Variants in SCAI observed in about 807,000 individuals in gnomAD.
SCAI encodes the protein protein SCAI.
Under a neutral mutation model 92.2 loss-of-function variants are expected in SCAI, and 24 were observed. That is an observed-to-expected ratio of 0.26 (90% CI 0.19 to 0.37). The LOEUF (loss-of-function observed/expected upper bound fraction) is 0.37. SCAI is among the 10% of genes least tolerant of loss of function. SCAI has a pLI of 1.00. For missense variants in SCAI, 450 were observed against 736.2 expected (o/e 0.61, Z 4.50); for synonymous variants, 261 against 258.6 (o/e 1.01, Z -0.09).
intron 3 of SCAI, among the ~76,000 whole-genome samples, chr9:125,034,387 T>C (rs532735894): frequency 6.6e-6 from 1 of 152,092 alleles, no homozygotes; most frequent in South Asian, 2.1e-4. Flanking sequence ...AGCTGGAACC[T>C]AGAAAACATG....
At chr9:125,104,754 G>C (rs1459307328) in intron 2 of SCAI, among the ~76,000 whole-genome samples, 2 of 151,590 alleles carry the variant, frequency 1.3e-5, no homozygotes, top group Non-Finnish European at 1.5e-5. Context: ...CCCTTTGTTT[G>C]TCAAAAAACA....
intron 3 of SCAI, among the ~76,000 whole-genome samples, chr9:125,043,970 G>A (rs1833383718): frequency 6.6e-6 from 1 of 152,256 alleles, no homozygotes; most frequent in South Asian, 2.1e-4. Flanking sequence ...ATGCTTCCCT[G>A]TGTTCTCAGG....
intron 2 of SCAI, among the ~76,000 whole-genome samples, chr9:125,094,445 T>C (rs1237372390): frequency 6.6e-6 from 1 of 152,212 alleles, no homozygotes; most frequent in Non-Finnish European, 1.5e-5. Flanking sequence ...ACTCAAATCA[T>C]CTTATTGCAT....
intron 2 of SCAI, among the ~76,000 whole-genome samples, chr9:125,090,663 A>G (rs965629511): frequency 6.6e-6 from 1 of 151,870 alleles, no homozygotes; most frequent in African/African-American, 2.4e-5. Context: ...CTACTCTTAC[A>G]CTCCTATACT....
chr9:125,084,158 C>CCTTTT (rs1224570781), intron 2 of SCAI, among the ~76,000 whole-genome samples: 11 of 65,138 alleles, frequency 1.7e-4, no homozygotes, highest in African/African-American at 7.2e-4. Flanking sequence ...TTGGCTGCTG[C>CCTTTT]TTTTTTTTTT....
At chr9:124,990,916 C>T (rs1832105320) in intron 14 of SCAI, among the ~76,000 whole-genome samples, 1 of 152,096 alleles carries the variant, frequency 6.6e-6, no homozygotes, top group Non-Finnish European at 1.5e-5. Context: ...GTAGCTGAGA[C>T]CCACCCCAGG....
chr9:124,961,511 G>A (rs1041441765), intron 17 of SCAI, among the ~76,000 whole-genome samples: 10 of 151,804 alleles, frequency 6.6e-5, no homozygotes, highest in Non-Finnish European at 1.0e-4. Flanking sequence ...TTAGCTGGGC[G>A]TGGTGGCACA....
At chr9:125,008,487 GA>G (rs947430675) in intron 9 of SCAI, among the ~76,000 whole-genome samples, 5 of 151,000 alleles carry the variant, frequency 3.3e-5, no homozygotes, top group South Asian at 2.1e-4. Flanking sequence ...CCCAGGCTAG[GA>G]AAAAAAAATT....
At chr9:125,026,048 A>G (rs913342285) in intron 6 of SCAI, among the ~76,000 whole-genome samples, 2 of 152,230 alleles carry the variant, frequency 1.3e-5, no homozygotes, top group Non-Finnish European at 1.5e-5. Flanking sequence ...GATTTCTTCC[A>G]CAATTCCATA....
chr9:124,959,523 C>T lies in SCAI; in HGVS notation c.1675-6570G>A, dbSNP rs10986495. Among the ~76,000 whole-genome samples, 5 of 144,940 alleles carry T rather than the reference C, an allele frequency of 3.4e-5. No individual in the cohort carries two copies. In the East Asian group the frequency reaches 7.9e-4, roughly 23 times the overall value. On this transcript the variant is annotated intron_variant, in intron 17 of 17. Coordinates refer to ENST00000336505, the MANE Select transcript of SCAI (RefSeq NM_001144877.3). ...ATATACACATATATATATATACACA[C>T]ATATATATACACACATATATATATA...
rs1174747571 is a variant in SCAI, at chr9:124,952,553, T to C, written c.*254A>G. On this transcript the variant is annotated 3_prime_UTR_variant, in exon 18 of 18. Coordinates refer to ENST00000336505, the MANE Select transcript of SCAI (RefSeq NM_001144877.3). ...GACTATTTGAGTGTAGGATTAGAAG[T>C]TGGAGGTAAATATCCATCCCTCAAA... 6 of 348,980 alleles carry C rather than the reference T, an allele frequency of 1.7e-5. No individual in the cohort carries two copies. Among genetic ancestry groups the C allele is most frequent in the African/African-American group, 1.3e-4 (6 of 47,114 alleles). 21.6% of individuals were successfully genotyped at this position (348,980 alleles called of 1,614,324 possible).
At chr9:124,968,253 TG>T in intron 17 of SCAI, 2 of 1,099,960 alleles carry the variant, frequency 1.8e-6, no homozygotes, top group Non-Finnish European at 1.4e-6. Context: ...GCTGGGGTCT[TG>T]GCCTGACAGC....
At chr9:125,105,466 A>G (rs1370803442) in intron 2 of SCAI, among the ~76,000 whole-genome samples, 1 of 152,234 alleles carries the variant, frequency 6.6e-6, no homozygotes, top group East Asian at 1.9e-4. Context: ...GATCAAGTGT[A>G]GTATCTGTTC....
chr9:125,066,025 T>C (rs772140915), intron 2 of SCAI: 35 of 772,496 alleles, frequency 4.5e-5, no homozygotes, highest in Admixed American at 3.8e-4. Context: ...CCCCTTGAGA[T>C]TGTGAATGAC....
intron 2 of SCAI, among the ~76,000 whole-genome samples, chr9:125,111,795 A>AAC (rs1301173956): frequency 1.3e-5 from 2 of 152,130 alleles, no homozygotes; most frequent in Non-Finnish European, 2.9e-5. Flanking sequence ...CATTTCTAGG[A>AAC]TGTAGCGCAG....
At chr9:125,110,018 T>C (rs1834900247) in intron 2 of SCAI, among the ~76,000 whole-genome samples, 1 of 152,164 alleles carries the variant, frequency 6.6e-6, no homozygotes, top group Non-Finnish European at 1.5e-5. Context: ...TTCAAATATC[T>C]GTTTATAGGC....
Position 124,980,818 on chromosome 9 carries a change from G to A in SCAI, c.1327-4632C>T, listed in dbSNP as rs554910826. On this transcript the variant is annotated intron_variant, in intron 14 of 17. Coordinates refer to ENST00000336505, the MANE Select transcript of SCAI (RefSeq NM_001144877.3). The stretch of plus-strand genomic sequence containing the variant: ...TGTACTAAATCTTAGCAGTGAGTAC[G>A]ACTATATGCCGAGTCCTGTGAATCT... Among the ~76,000 whole-genome samples the A allele has an allele frequency of 3.3e-5, 5 of 152,236 alleles. 1 individual carries two copies. Among genetic ancestry groups the A allele is most frequent in the East Asian group, 1.9e-4 (1 of 5,188 alleles).
chr9:125,050,835 G>T (rs1413899347), intron 3 of SCAI, among the ~76,000 whole-genome samples: 1 of 152,000 alleles, frequency 6.6e-6, no homozygotes, highest in Non-Finnish European at 1.5e-5. Flanking sequence ...CTCCCAAAGT[G>T]CTGGGATTAC....
chr9:125,020,277 CAGA>C (rs1832845803), intron 7 of SCAI, among the ~76,000 whole-genome samples: 1 of 152,094 alleles, frequency 6.6e-6, no homozygotes, highest in South Asian at 2.1e-4. Context: ...AGACTTTATG[CAGA>C]CACTCTAAAG....
Sources: gnomAD v4.1 joint callset for allele counts (sites outside exome capture counted in the v4.1 genomes callset) on GRCh38, gnomAD v4.1.1 for gene constraint, MANE v1.5 for transcripts, NCBI Gene and HGNC (gene_info 2026-07-23, HGNC 2026-07-21) for gene names.